Variants in WDPCP observed in about 807,000 individuals in gnomAD.
The protein encoded by WDPCP is WD repeat-containing and planar cell polarity effector protein fritz homolog.
In WDPCP, 71 loss-of-function variants were observed where a neutral mutation model predicts 93.1. The observed-to-expected ratio is 0.76, with a 90% CI of 0.63 to 0.93. The LOEUF (loss-of-function observed/expected upper bound fraction) is 0.93. Ranked by LOEUF, WDPCP falls within the 40% of genes least tolerant of loss-of-function variation. WDPCP has a pLI of 0.00. For missense variants in WDPCP, 844 were observed against 887.4 expected (o/e 0.95, Z 0.62); for synonymous variants, 315 against 315.0 (o/e 1.00, Z 0.00).
intron 10 of WDPCP, among the ~76,000 whole-genome samples, chr2:63,400,208 T>A (rs556883902): frequency 1.3e-5 from 2 of 152,216 alleles, no homozygotes; most frequent in Non-Finnish European, 2.9e-5. Context: ...CAGCTAGTAA[T>A]GCAAAGCTAC....
intron 12 of WDPCP, among the ~76,000 whole-genome samples, chr2:63,345,572 T>A (rs554019200): frequency 6.6e-6 from 1 of 152,298 alleles, no homozygotes; most frequent in Non-Finnish European, 1.5e-5. Flanking sequence ...CAGAGGTTCT[T>A]ATCTTCTTAA....
chr2:63,714,546 A>G (rs1165380704), intron 2 of WDPCP, among the ~76,000 whole-genome samples: 4 of 152,240 alleles, frequency 2.6e-5, no homozygotes, highest in Admixed American at 2.6e-4. Flanking sequence ...AATTCCAGTC[A>G]TAAGAACTGA....
At chr2:63,132,927 G>A (rs758678288) in intron 17 of WDPCP, among the ~76,000 whole-genome samples, 14 of 151,928 alleles carry the variant, frequency 9.2e-5, no homozygotes, top group Non-Finnish European at 1.6e-4. Context: ...TTGTGATTTT[G>A]GGATTTTAAA....
At chr2:63,137,476 A>G (rs1292529357) in intron 17 of WDPCP, among the ~76,000 whole-genome samples, 2 of 152,148 alleles carry the variant, frequency 1.3e-5, no homozygotes, top group East Asian at 3.8e-4. Flanking sequence ...ATAGTTTGCA[A>G]ACATTTTCTC....
At chr2:63,219,545 TG>T (rs1677640974) in intron 14 of WDPCP, among the ~76,000 whole-genome samples, 1 of 152,252 alleles carries the variant, frequency 6.6e-6, no homozygotes, top group East Asian at 1.9e-4. Flanking sequence ...TTAAAGTGAT[TG>T]ATGTAAGAAT....
intron 14 of WDPCP, 22 bp from the exon 15 acceptor site, chr2:63,174,854 T>A (rs1673683545): frequency 6.2e-7 from 1 of 1,610,474 alleles, no homozygotes; most frequent in African/African-American, 1.3e-5. Context: ...GATTAATATG[T>A]GAGTGAAATA....
intron 2 of WDPCP, among the ~76,000 whole-genome samples, chr2:63,761,526 A>G (rs2103915676): frequency 6.6e-6 from 1 of 152,254 alleles, no homozygotes; most frequent in Admixed American, 6.5e-5. Flanking sequence ...ACGCAATCAC[A>G]ATAGGCCATC....
intron 3 of WDPCP, among the ~76,000 whole-genome samples, chr2:63,596,422 C>T (rs1035427417): frequency 2.6e-5 from 4 of 152,184 alleles, no homozygotes; most frequent in Admixed American, 2.6e-4. Context: ...TTTTCTCACC[C>T]ACAGCTCTTT....
chr2:63,546,735 T>A (rs1448111212), intron 1 of WDPCP, among the ~76,000 whole-genome samples: 1 of 151,998 alleles, frequency 6.6e-6, no homozygotes, highest in Non-Finnish European at 1.5e-5. Flanking sequence ...TTTTCAAATT[T>A]AAAAAATGAC....
At chr2:63,288,697 C>G (rs767106262) in intron 13 of WDPCP, among the ~76,000 whole-genome samples, 3 of 152,186 alleles carry the variant, frequency 2.0e-5, no homozygotes, top group Non-Finnish European at 2.9e-5. Flanking sequence ...GAAATTAACA[C>G]TGATATCATT....
chr2:63,279,764 C>T (rs928835868), intron 13 of WDPCP, among the ~76,000 whole-genome samples: 2 of 152,022 alleles, frequency 1.3e-5, no homozygotes, highest in African/African-American at 4.8e-5. Context: ...AGCAAGGTTT[C>T]AGGATACAAA....
chr2:63,248,589 G>A (rs12993094), intron 14 of WDPCP, among the ~76,000 whole-genome samples: 13,830 of 152,022 alleles, frequency 0.091, 798 homozygotes, highest in South Asian at 0.16. Flanking sequence ...GAGGGTTTTG[G>A]TCATTATTTC....
intron 2 of WDPCP, among the ~76,000 whole-genome samples, chr2:63,693,508 G>A (rs1165613996): frequency 1.3e-5 from 2 of 151,946 alleles, no homozygotes; most frequent in Non-Finnish European, 2.9e-5. Context: ...GGTGGTGGGA[G>A]TTGAATGGAG....
intron 1 of WDPCP, among the ~76,000 whole-genome samples, chr2:63,585,549 T>C (rs1260625476): frequency 1.3e-5 from 2 of 152,106 alleles, no homozygotes; most frequent in East Asian, 3.8e-4. Flanking sequence ...TTATCTAACA[T>C]GGCTGTTTAC....
chr2:63,534,241 C>G (rs1421968981), intron 1 of WDPCP, among the ~76,000 whole-genome samples: 1 of 152,098 alleles, frequency 6.6e-6, no homozygotes, highest in African/African-American at 2.4e-5. Flanking sequence ...CTAAAAAACT[C>G]CAGGACCAGG....
At chr2:63,587,536 G>C (rs1575709849) in intron 1 of WDPCP, among the ~76,000 whole-genome samples, 2 of 152,266 alleles carry the variant, frequency 1.3e-5, no homozygotes, top group African/African-American at 4.8e-5. Flanking sequence ...CAGTGACAGA[G>C]AAAAAACGGA....
chr2:63,684,664 G>C, intron 2 of WDPCP: 1 of 688,440 alleles, frequency 1.5e-6, no homozygotes, highest in Non-Finnish European at 2.8e-6. Context: ...AGTTTGAAGA[G>C]AGATACAAGA....
intron 12 of WDPCP, among the ~76,000 whole-genome samples, chr2:63,349,827 T>C (rs1379289425): frequency 6.6e-6 from 1 of 152,190 alleles, no homozygotes; most frequent in East Asian, 1.9e-4. Flanking sequence ...GCACTGCTCA[T>C]CTCTGCTGAA....
At chr2:63,757,436 G>T (rs1024759693) in intron 2 of WDPCP, among the ~76,000 whole-genome samples, 1 of 152,090 alleles carries the variant, frequency 6.6e-6, no homozygotes, top group Non-Finnish European at 1.5e-5. Flanking sequence ...TATTTCACAG[G>T]TGTAAGTAGG....
Sources: gnomAD v4.1 joint callset for allele counts (sites outside exome capture counted in the v4.1 genomes callset) on GRCh38, gnomAD v4.1.1 for gene constraint, MANE v1.5 for transcripts, NCBI Gene and HGNC (gene_info 2026-07-23, HGNC 2026-07-21) for gene names.